The following FILIP1L variants were observed in gnomAD, a reference collection of about 807,000 sequenced individuals.
The protein encoded by FILIP1L is filamin A-interacting protein 1-like.
A neutral mutation model predicts 96.6 loss-of-function variants in FILIP1L; 55 were observed. The ratio of observed to expected loss-of-function variants is 0.57; its 90% CI spans 0.46 to 0.71. The LOEUF (loss-of-function observed/expected upper bound fraction) is 0.71, where lower values mean the gene tolerates loss of function less well. Among genes scored for constraint, FILIP1L ranks in the 30% least tolerant of loss-of-function variants. The pLI is 0.00. For missense variants in FILIP1L, 1,304 were observed against 1,321.2 expected, an observed-to-expected ratio of 0.99 and a Z score of 0.20; for synonymous variants, 467 against 473.9, an observed-to-expected ratio of 0.99 and a Z score of 0.19.
chr3:99,969,214 G>T (rs962397388), intron 1 of FILIP1L, among the ~76,000 whole-genome samples: 1 of 152,150 alleles, frequency 6.6e-6, no homozygotes, highest in South Asian at 2.1e-4. Flanking sequence ...CTAAGAAGGG[G>T]AGGGGAACAA....
intron 1 of FILIP1L, among the ~76,000 whole-genome samples, chr3:99,993,522 G>T (rs890813914): frequency 2.0e-5 from 3 of 152,034 alleles, no homozygotes; most frequent in Non-Finnish European, 4.4e-5. Flanking sequence ...TGTTGAATAG[G>T]GGTGGTAAAA....
At chr3:100,016,440 C>T (rs1393035522) in intron 1 of FILIP1L, among the ~76,000 whole-genome samples, 3 of 152,128 alleles carry the variant, frequency 2.0e-5, no homozygotes, top group Non-Finnish European at 4.4e-5. Context: ...ATCCACCCAC[C>T]TCGGAAAGTG....
chr3:99,891,311 G>T (rs990404096), intron 4 of FILIP1L, among the ~76,000 whole-genome samples: 1 of 152,050 alleles, frequency 6.6e-6, no homozygotes, highest in South Asian at 2.1e-4. Flanking sequence ...TTTATGTGGG[G>T]CTGGGAGGAC....
chr3:100,001,769 G>A (rs1363687155), intron 1 of FILIP1L, among the ~76,000 whole-genome samples: 1 of 152,160 alleles, frequency 6.6e-6, no homozygotes, highest in Admixed American at 6.5e-5. Context: ...AAACCAGTCT[G>A]CCAAGTCTTT....
chr3:100,111,634 A>G (rs1576076735), intron 1 of FILIP1L, among the ~76,000 whole-genome samples: 2 of 152,192 alleles, frequency 1.3e-5, no homozygotes, highest in African/African-American at 4.8e-5. Flanking sequence ...ATCAGATTAA[A>G]CAGAAAATCT....
chr3:100,011,067 C>T (rs1710141261), intron 1 of FILIP1L, among the ~76,000 whole-genome samples: 1 of 152,034 alleles, frequency 6.6e-6, no homozygotes, highest in Non-Finnish European at 1.5e-5. Flanking sequence ...GGTACCAGGG[C>T]TTGTGGTCTG....
intron 5 of FILIP1L, among the ~76,000 whole-genome samples, chr3:99,844,951 G>A (rs1014457630): frequency 3.3e-5 from 5 of 152,178 alleles, no homozygotes. Flanking sequence ...GAGGAATGGT[G>A]AGTCAATAAA....
At chr3:99,841,278 G>T (rs931787452) in intron 5 of FILIP1L, among the ~76,000 whole-genome samples, 1 of 152,132 alleles carries the variant, frequency 6.6e-6, no homozygotes, top group Non-Finnish European at 1.5e-5. Flanking sequence ...TTGTACCTTT[G>T]TTTCTTTCAA....
intron 1 of FILIP1L, among the ~76,000 whole-genome samples, chr3:100,034,648 T>C (rs2065077247): frequency 6.6e-6 from 1 of 152,226 alleles, no homozygotes; most frequent in Non-Finnish European, 1.5e-5. Flanking sequence ...AGCAAATGTC[T>C]AGTATTTAGG....
chr3:100,059,470 T>G (rs1294900489), intron 1 of FILIP1L, among the ~76,000 whole-genome samples: 1 of 152,202 alleles, frequency 6.6e-6, no homozygotes, highest in East Asian at 1.9e-4. Flanking sequence ...GAAGCATTTT[T>G]TTTTAGCACC....
At chr3:100,082,292 C>T (rs1174903661) in intron 1 of FILIP1L, among the ~76,000 whole-genome samples, 4 of 152,088 alleles carry the variant, frequency 2.6e-5, no homozygotes, top group South Asian at 2.1e-4. Context: ...AAAGTAAATA[C>T]TACTTATTAC....
At chr3:99,868,443 C>T (rs1944626951) in intron 4 of FILIP1L, among the ~76,000 whole-genome samples, 2 of 152,188 alleles carry the variant, frequency 1.3e-5, no homozygotes, top group South Asian at 2.1e-4. Context: ...AGCCCAGCAG[C>T]ACCAGATGAT....
At chr3:99,964,754 G>T (rs990953207) in intron 1 of FILIP1L, among the ~76,000 whole-genome samples, 1 of 152,216 alleles carries the variant, frequency 6.6e-6, no homozygotes, top group Middle Eastern at 3.4e-3. Context: ...GAAGAAAGAG[G>T]TCCCCTAGGA....
intron 1 of FILIP1L, among the ~76,000 whole-genome samples, chr3:99,948,854 T>C (rs1384714569): frequency 6.6e-6 from 1 of 152,070 alleles, no homozygotes; most frequent in African/African-American, 2.4e-5. Flanking sequence ...GATCTGGAGA[T>C]TGATTTGCCC....
chr3:99,892,943 A>G (rs187795245), intron 4 of FILIP1L, among the ~76,000 whole-genome samples: 27 of 152,306 alleles, frequency 1.8e-4, no homozygotes, highest in African/African-American at 4.8e-4. Context: ...CACAAAGAAG[A>G]TGAGGCCCCT....
intron 4 of FILIP1L, among the ~76,000 whole-genome samples, chr3:99,882,260 T>A (rs1008623287): frequency 2.0e-5 from 3 of 152,246 alleles, no homozygotes; most frequent in Admixed American, 6.5e-5. Flanking sequence ...AAATTCTGCT[T>A]TGTCCATTAT....
intron 1 of FILIP1L, among the ~76,000 whole-genome samples, chr3:100,049,966 T>C (rs2107314933): frequency 6.6e-6 from 1 of 152,266 alleles, no homozygotes; most frequent in South Asian, 2.1e-4. Flanking sequence ...GACCCTAACT[T>C]CTGAGTTGTT....
chr3:100,038,667 G>C (rs1021309572), intron 1 of FILIP1L, among the ~76,000 whole-genome samples: 2 of 152,152 alleles, frequency 1.3e-5, no homozygotes, highest in Admixed American at 1.3e-4. Flanking sequence ...GGTTTTGTTT[G>C]TTTCTTTCTT....
At chr3:99,900,443 GA>G (rs1250034279) in intron 4 of FILIP1L, among the ~76,000 whole-genome samples, 3 of 152,176 alleles carry the variant, frequency 2.0e-5, no homozygotes, top group Non-Finnish European at 4.4e-5. Context: ...TGAAGAAACT[GA>G]GTCTCTAAGA....
Sources: allele counts gnomAD v4.1 joint callset (sites outside exome capture counted in the v4.1 genomes callset), GRCh38; gene constraint gnomAD v4.1.1; transcripts MANE v1.5; gene names NCBI Gene and HGNC (gene_info 2026-07-23, HGNC 2026-07-21).